Variants in PSMF1 observed in about 807,000 individuals in gnomAD.
PSMF1 encodes the protein proteasome inhibitor PI31 subunit.
A neutral mutation model predicts 29.3 loss-of-function variants in PSMF1; 30 were observed. The observed-to-expected ratio is 1.02, with a 90% CI of 0.77 to 1.39. PSMF1 has a LOEUF of 1.39. PSMF1 is among the 40% of genes most tolerant of loss of function. PSMF1 has a pLI of 0.00. For missense variants in PSMF1, 344 were observed against 357.5 expected (o/e 0.96, Z 0.31); for synonymous variants, 134 against 139.7 (o/e 0.96, Z 0.29).
In PSMF1 at chr20:1,166,245, C is replaced by T. The variant is rs760900451; in HGVS notation, c.*1165C>T. 4.3e-6 allele frequency: 7 copies of T among 1,612,418 alleles called. 1 individual carries two copies. The highest frequency in any genetic ancestry group is 4.2e-6 in the Non-Finnish European group (5 of 1,179,728). On this transcript the variant is annotated 3_prime_UTR_variant, in exon 7 of 7. Coordinates refer to ENST00000335877, the MANE Select transcript of PSMF1 (RefSeq NM_006814.5). ...TTTTCAGCCCGAGGCCTGACAGACG[C>T]GGGCAGTGATGAGCCCTGTTCTGGA...
chr20:1,129,253 G>A (rs1482430387), intron 3 of PSMF1, among the ~76,000 whole-genome samples: 2 of 152,112 alleles, frequency 1.3e-5, no homozygotes, highest in Non-Finnish European at 2.9e-5. Context: ...CTCAAGTGAT[G>A]GGATTACAGG....
At position 1,125,842 on chromosome 20, in the gene PSMF1, C is replaced by G. The variant is rs2086148838; in HGVS notation, c.282+192C>G. The G allele has an allele frequency of 3.9e-6, 3 of 759,814 alleles. No individual in the cohort carries two copies. The Admixed American group carries it at 5.9e-5, about 15-fold the overall frequency. 47.1% of individuals were successfully genotyped at this position (759,814 alleles called of 1,614,324 possible). ...CCTTCGTGCACAAAGGTATCCACCA[C>G]CTGGAATTAAGAAGGAGGGGCTTTC... On this transcript the variant is annotated intron_variant, in intron 2 of 6. Coordinates refer to ENST00000335877, the MANE Select transcript of PSMF1 (RefSeq NM_006814.5).
rs967790914 is a variant in PSMF1 at position 1,170,803 on chromosome 20, T to C, written c.*5723T>C. On this transcript the variant is annotated 3_prime_UTR_variant, in exon 7 of 7. Transcript: ENST00000335877. ...TCATATGGGTAGATAAGGGTGGGAC[T>C]CAAGGACAAGAGAGGAACCTTGGAA... Among the ~76,000 whole-genome samples the C allele has an allele frequency of 6.6e-6, 1 of 152,058 alleles. No individual in the cohort carries two copies. The highest frequency in any genetic ancestry group is 2.1e-4 in the South Asian group (1 of 4,800).
At chr20:1,161,547 A>G in intron 4 of PSMF1, 1 of 595,300 alleles carries the variant, frequency 1.7e-6, no homozygotes, top group Non-Finnish European at 3.1e-6. Context: ...AGCACAAGGA[A>G]GATCAAGATC....
Position 1,165,287 on chromosome 20 carries a change from G to C in PSMF1, c.*207G>C. The C allele has an allele frequency of 1.4e-6, 2 of 1,415,680 alleles. No individual in the cohort carries two copies. Among genetic ancestry groups the C allele is most frequent in the Non-Finnish European group, 1.8e-6 (2 of 1,088,384 alleles). The allele number at this position is 1,415,680 out of a possible 1,614,324, so 87.7% of individuals were successfully genotyped here. The stretch of plus-strand genomic sequence containing the variant: ...CCTAGCTGCAGATAGCTCCCAAAGA[G>C]AAATCAGTGTGTCTCTTTCACCATC... On this transcript the variant is annotated 3_prime_UTR_variant, in exon 7 of 7. Transcript: ENST00000335877.
rs60189289 is a variant in PSMF1, at chr20:1,132,969, G to GTTTTTTTTTTTTTTTTTT, written c.366-2137_366-2136insTTTTTTTTTTTTTTTTTT. 1.5e-5 allele frequency among the ~76,000 whole-genome samples: 2 copies of GTTTTTTTTTTTTTTTTTT among 134,114 alleles called. 1 individual carries two copies. Among genetic ancestry groups the GTTTTTTTTTTTTTTTTTT allele is most frequent in the Non-Finnish European group, 3.1e-5 (2 of 63,920 alleles). The allele number at this position is 134,114 out of a possible 152,430, so 88.0% of individuals were successfully genotyped here. On this transcript the variant is annotated intron_variant, in intron 3 of 6. Transcript: ENST00000335877. Reference sequence around the variant, plus strand: ...AATTCAAGGTGTTTAGGGTTTTTTTGTTTTTTTTTTTTTTTGGTAGATTCC... The same window carrying GTTTTTTTTTTTTTTTTTT: ...AATTCAAGGTGTTTAGGGTTTTTTTGTTTTTTTTTTTTTTTTTTTTTTTTTTTTTTTTTGGTAGATTCC...
chr20:1,122,290 CTTTTCTTT>C (rs1412147548), intron 1 of PSMF1, among the ~76,000 whole-genome samples: 2 of 115,466 alleles, frequency 1.7e-5, no homozygotes, highest in Non-Finnish European at 3.5e-5. Flanking sequence ...TTTTCTTTTT[CTTTTCTTT>C]TTTTTTTTTT....
chr20:1,141,230 T>G (rs962908974), intron 4 of PSMF1, among the ~76,000 whole-genome samples: 7 of 152,234 alleles, frequency 4.6e-5, no homozygotes, highest in South Asian at 2.1e-4. Flanking sequence ...CTTTTTGGGG[T>G]GAAGAAAATG....
intron 4 of PSMF1, chr20:1,160,998 A>G (rs988661783): frequency 2.5e-5 from 10 of 394,600 alleles, no homozygotes; most frequent in African/African-American, 2.1e-4. Context: ...TCCAGGCCAT[A>G]CTTCTATGCC....
Position 1,154,366 on chromosome 20 carries a change from C to T in PSMF1, c.552-8764C>T, listed in dbSNP as rs76858623. On this transcript the variant is annotated intron_variant, in intron 4 of 6. Coordinates refer to ENST00000335877, the MANE Select transcript of PSMF1 (RefSeq NM_006814.5). ...AGCATTTCCCAACCCTTCTCAGTCC[C>T]TGGTTCAGCTTTGATCTCACAGGAT... is the stretch of plus-strand genomic sequence containing the variant. Among the ~76,000 whole-genome samples the T allele has an allele frequency of 6.2e-3, 944 of 152,276 alleles. 6 individuals carry two copies. The highest frequency in any genetic ancestry group is 9.7e-3 in the Non-Finnish European group (662 of 68,020).
intron 3 of PSMF1, among the ~76,000 whole-genome samples, chr20:1,131,944 C>T (rs2086234825): frequency 6.6e-6 from 1 of 152,064 alleles, no homozygotes; most frequent in Non-Finnish European, 1.5e-5. Flanking sequence ...TTGAATTTAC[C>T]CTCCCACCCA....
chr20:1,145,910 A>G (rs1568475268), intron 4 of PSMF1, among the ~76,000 whole-genome samples: 1 of 151,928 alleles, frequency 6.6e-6, no homozygotes, highest in Non-Finnish European at 1.5e-5. Flanking sequence ...CAGTACCACC[A>G]CTCAGTTATT....
upstream of PSMF1, among the ~76,000 whole-genome samples, chr20:1,113,642 C>T (rs891707267): frequency 1.3e-5 from 2 of 152,082 alleles, no homozygotes; most frequent in African/African-American, 2.4e-5. Flanking sequence ...GATGCCAGTG[C>T]CTATTCCATG....
Position 1,118,719 on chromosome 20 carries a change from C to T in PSMF1, c.-55C>T. The T allele has an allele frequency of 1.3e-6, 2 of 1,566,594 alleles. No homozygotes were observed. Among genetic ancestry groups the T allele is most frequent in the Non-Finnish European group, 1.7e-6 (2 of 1,151,760 alleles). The stretch of plus-strand genomic sequence containing the variant: ...AGCTACCCCGGCCGCGGAGCCGGCT[C>T]ACTGCACTACCCCCGCCCCCTTCTT... On this transcript the variant is annotated 5_prime_UTR_variant, in exon 1 of 7. Coordinates refer to ENST00000335877, the MANE Select transcript of PSMF1 (RefSeq NM_006814.5).
At chr20:1,162,173 T>G (rs1013779599) in intron 4 of PSMF1, among the ~76,000 whole-genome samples, 1 of 152,228 alleles carries the variant, frequency 6.6e-6, no homozygotes, top group Non-Finnish European at 1.5e-5. Context: ...CTTTCTTAGC[T>G]GATGTTTTCC....
chr20:1,115,202 TGGGGGTG>T (rs2086000149), upstream of PSMF1, among the ~76,000 whole-genome samples: 1 of 110,846 alleles, frequency 9.0e-6, no homozygotes, highest in Non-Finnish European at 1.9e-5. Context: ...AACCACGGGG[TGGGGGTG>T]ACGGAGCTGT....
At chr20:1,137,823 TA>T (rs1004409190) in intron 4 of PSMF1, among the ~76,000 whole-genome samples, 1 of 152,188 alleles carries the variant, frequency 6.6e-6, no homozygotes. Context: ...CTGCTTATGT[TA>T]AAAAAAGTCT....
chr20:1,171,936 G>A lies in PSMF1; in HGVS notation c.*6856G>A, dbSNP rs561107692. ...AATTTGAGTGAGAAGCATGTGAAGA[G>A]AGGGATGGCCCAGGGGCCCTTGGCC... On this transcript the variant is annotated 3_prime_UTR_variant, in exon 7 of 7. Coordinates refer to ENST00000335877, the MANE Select transcript of PSMF1 (RefSeq NM_006814.5). 6.6e-6 allele frequency among the ~76,000 whole-genome samples: 1 copy of A among 152,384 alleles called. No individual in the cohort carries two copies. The highest frequency in any genetic ancestry group is 2.1e-4 in the South Asian group (1 of 4,832).
intron 3 of PSMF1, among the ~76,000 whole-genome samples, chr20:1,133,520 GT>G (rs2086257169): frequency 7.8e-6 from 1 of 127,442 alleles, no homozygotes; most frequent in African/African-American, 2.9e-5. Flanking sequence ...TTTTTTTTGT[GT>G]GTAAGTTCAT....
Sources: gnomAD v4.1 joint callset for allele counts (sites outside exome capture counted in the v4.1 genomes callset) on GRCh38, gnomAD v4.1.1 for gene constraint, MANE v1.5 for transcripts, NCBI Gene and HGNC (gene_info 2026-07-23, HGNC 2026-07-21) for gene names.